Variants in TMEM26 observed in about 807,000 individuals in gnomAD.
TMEM26 encodes the protein transmembrane protein 26.
TMEM26 carries 38 observed loss-of-function variants against 28.8 expected under a neutral mutation model. The ratio of observed to expected loss-of-function variants is 1.32; its 90% CI spans 1.02 to 1.73. The LOEUF (loss-of-function observed/expected upper bound fraction) is 1.73, where lower values mean the gene tolerates loss of function less well. Ranked by LOEUF, TMEM26 falls within the 40% of genes most tolerant of loss-of-function variation. The pLI, the probability that TMEM26 is intolerant of heterozygous loss-of-function variation, is 0.00. For missense variants in TMEM26, 518 were observed against 447.1 expected (o/e 1.16, Z -1.43); for synonymous variants, 227 against 182.9 (o/e 1.24, Z -1.95).
chr10:61,431,377 C>A, intron 2 of TMEM26, 45 bp from the exon 3 acceptor site: 1 of 1,390,122 alleles, frequency 7.2e-7, no homozygotes, highest in Non-Finnish European at 1.0e-6. Context: ...AAAATTAGCA[C>A]AATATGGTAG....
At position 61,413,450 on chromosome 10, in the gene TMEM26, G is replaced by T. The variant is rs1839600790; in HGVS notation, c.682+9C>A. On this transcript the variant is annotated intron_variant, in intron 5 of 5. Coordinates refer to ENST00000399298, the MANE Select transcript of TMEM26 (RefSeq NM_178505.8). The stretch of plus-strand genomic sequence containing the variant: ...TTCTATTTCTTTGCACAAACATCAG[G>T]ATACTTACCTGCCAGGTCAAGTGGA... The T allele has an allele frequency of 6.2e-7, 1 of 1,610,896 alleles. No individual in the cohort carries two copies. Among genetic ancestry groups the T allele is most frequent in the South Asian group, 1.1e-5 (1 of 90,492 alleles).
At chr10:61,450,684 C>T (rs1840262088) in intron 1 of TMEM26, among the ~76,000 whole-genome samples, 1 of 151,314 alleles carries the variant, frequency 6.6e-6, no homozygotes, top group African/African-American at 2.4e-5. Flanking sequence ...AGTGTAGATA[C>T]TATGCCAGCA....
At position 61,446,817 on chromosome 10, in the gene TMEM26, C is replaced by CAAAAAAAAAAAA. The variant is rs34030340; in HGVS notation, c.191+6062_191+6073dup. Among the ~76,000 whole-genome samples the CAAAAAAAAAAAA allele has an allele frequency of 5.3e-4, 18 of 33,946 alleles. 1 individual carries two copies. Among genetic ancestry groups the CAAAAAAAAAAAA allele is most frequent in the Non-Finnish European group, 6.4e-4 (13 of 20,272 alleles). 22.3% of individuals were successfully genotyped at this position (33,946 alleles called of 152,430 possible). ...CTGGCGACAGAGCGAGACTCCATCTCAAAAAAAAAAAAAAAAAAAAAAAAA... is the reference window on the plus strand; with the variant it reads ...CTGGCGACAGAGCGAGACTCCATCTCAAAAAAAAAAAAAAAAAAAAAAAAAAAAAAAAAAAAA... On this transcript the variant is annotated intron_variant, in intron 1 of 5. Coordinates refer to ENST00000399298, the MANE Select transcript of TMEM26 (RefSeq NM_178505.8).
At position 61,413,522 on chromosome 10, in the gene TMEM26, G is replaced by T. The variant is rs781151540; in HGVS notation, c.619C>A (p.Leu207Ile). The change falls in exon 5 of 6, where the codon CTA becomes ATA. Residue 207 changes from leucine (L) to isoleucine (I), a missense_variant. Coordinates refer to ENST00000399298, the MANE Select transcript of TMEM26 (RefSeq NM_178505.8). ...EEQNVRNSPA[L>I]VYAILVIWTW... Reference sequence around the variant, plus strand: ...CATATAACAAGGATGGCATAGACTAGTGCAGGACTATTCCTAGAATACAGA... The same window carrying T: ...CATATAACAAGGATGGCATAGACTATTGCAGGACTATTCCTAGAATACAGA... 6.2e-7 allele frequency: 1 copy of T among 1,608,536 alleles called. No homozygotes were observed. Among genetic ancestry groups the T allele is most frequent in the Admixed American group, 1.7e-5 (1 of 58,870 alleles).
intron 1 of TMEM26, chr10:61,452,595 C>A: frequency 2.8e-6 from 1 of 353,838 alleles, no homozygotes; most frequent in Non-Finnish European, 5.3e-6. Context: ...GCACATTCAG[C>A]AAAATAGACC....
intron 3 of TMEM26, among the ~76,000 whole-genome samples, chr10:61,430,787 T>C (rs1839908790): frequency 6.6e-6 from 1 of 152,044 alleles, no homozygotes; most frequent in African/African-American, 2.4e-5. Flanking sequence ...AGGGTATTGA[T>C]GGATGGGGAG....
chr10:61,426,698 G>A (rs186949561), intron 4 of TMEM26, among the ~76,000 whole-genome samples: 6 of 152,158 alleles, frequency 3.9e-5, no homozygotes, highest in Admixed American at 3.9e-4. Flanking sequence ...GCAATGCTGA[G>A]TAGACTACAA....
At chr10:61,443,962 T>C (rs566802880) in intron 1 of TMEM26, among the ~76,000 whole-genome samples, 16 of 152,362 alleles carry the variant, frequency 1.1e-4, no homozygotes, top group African/African-American at 2.4e-4. Flanking sequence ...AAGAAAATCA[T>C]GGCATCCTCC....
At chr10:61,419,860 T>A (rs1839714563) in intron 4 of TMEM26, among the ~76,000 whole-genome samples, 1 of 151,918 alleles carries the variant, frequency 6.6e-6, no homozygotes, top group Non-Finnish European at 1.5e-5. Context: ...AAAGCAAAGA[T>A]CCACACTTAG....
At chr10:61,427,288 G>A (rs1328449592) in intron 4 of TMEM26, among the ~76,000 whole-genome samples, 2 of 152,022 alleles carry the variant, frequency 1.3e-5, no homozygotes, top group Non-Finnish European at 2.9e-5. Context: ...GAAACATTAA[G>A]TGCTCCCTAA....
intron 4 of TMEM26, among the ~76,000 whole-genome samples, chr10:61,421,083 T>C (rs1310302860): frequency 6.6e-6 from 1 of 152,120 alleles, no homozygotes; most frequent in Non-Finnish European, 1.5e-5. Context: ...AACAGTGCTA[T>C]GACCAAATGG....
At chr10:61,422,423 A>C (rs1179150074) in intron 4 of TMEM26, among the ~76,000 whole-genome samples, 1 of 152,144 alleles carries the variant, frequency 6.6e-6, no homozygotes, top group African/African-American at 2.4e-5. Context: ...AGTCTCCATA[A>C]ATTTAAAAAA....
chr10:61,446,180 A>G (rs1477510047), intron 1 of TMEM26, among the ~76,000 whole-genome samples: 2 of 152,206 alleles, frequency 1.3e-5, no homozygotes, highest in African/African-American at 4.8e-5. Context: ...AGAAGGAAAT[A>G]TGACTTCTTC....
At chr10:61,435,532 C>T (rs1839990047) in intron 2 of TMEM26, among the ~76,000 whole-genome samples, 2 of 152,168 alleles carry the variant, frequency 1.3e-5, no homozygotes, top group Admixed American at 1.3e-4. Flanking sequence ...CATATAAGCT[C>T]ACCTTCCACA....
chr10:61,447,674 A>T (rs1330878385), intron 1 of TMEM26, among the ~76,000 whole-genome samples: 1 of 152,212 alleles, frequency 6.6e-6, no homozygotes, highest in Non-Finnish European at 1.5e-5. Flanking sequence ...GTAGAAAAAC[A>T]GTATTAATCG....
intron 4 of TMEM26, among the ~76,000 whole-genome samples, chr10:61,419,723 A>G (rs192909188): frequency 1.4e-4 from 22 of 152,232 alleles, no homozygotes; most frequent in African/African-American, 4.6e-4. Context: ...TATTTTTAAC[A>G]GAAGACCCAG....
chr10:61,417,040 A>G (rs974996911), intron 4 of TMEM26, among the ~76,000 whole-genome samples: 4 of 152,090 alleles, frequency 2.6e-5, no homozygotes, highest in Non-Finnish European at 5.9e-5. Context: ...GCAGGCAAAT[A>G]TGAATTATTA....
At chr10:61,427,366 C>G (rs1382894369) in intron 4 of TMEM26, among the ~76,000 whole-genome samples, 1 of 151,990 alleles carries the variant, frequency 6.6e-6, no homozygotes, top group East Asian at 1.9e-4. Context: ...TACTTGCTCA[C>G]AATTTGTTCC....
rs557809707 is a variant in TMEM26, at chr10:61,441,160, C to T, written c.192-4912G>A. Among the ~76,000 whole-genome samples the T allele has an allele frequency of 6.6e-5, 10 of 152,192 alleles. 1 individual carries two copies. Among genetic ancestry groups the T allele is most frequent in the African/African-American group, 2.2e-4 (9 of 41,524 alleles). On this transcript the variant is annotated intron_variant, in intron 1 of 5. Transcript: ENST00000399298. ...GAGCCTGCATATATGAAGGGCTGAC[C>T]GTATACTCTCTGCTCCTTCCAGAGT...
Sources: gnomAD v4.1 joint callset for allele counts (sites outside exome capture counted in the v4.1 genomes callset) on GRCh38, gnomAD v4.1.1 for gene constraint, MANE v1.5 for transcripts, NCBI Gene and HGNC (gene_info 2026-07-23, HGNC 2026-07-21) for gene names.